CNTN5: variants seen among roughly 807,000 people sequenced by gnomAD.
CNTN5 encodes contactin-5.
A neutral mutation model predicts 129.1 loss-of-function variants in CNTN5; 77 were observed. The ratio of observed to expected loss-of-function variants is 0.60; its 90% CI spans 0.50 to 0.72. CNTN5 has a LOEUF of 0.72. Among genes scored for constraint, CNTN5 ranks in the 30% least tolerant of loss-of-function variants. The probability of loss-of-function intolerance (pLI) is 0.00; values close to 1 mark genes in which losing one functional copy is unlikely to be tolerated. For synonymous variants in CNTN5, 509 were observed against 465.6 expected (o/e 1.09, Z -1.20); for missense variants, 1,478 against 1,328.8 (o/e 1.11, Z -1.75).
intron 9 of CNTN5, among the ~76,000 whole-genome samples, chr11:100,011,201 T>C (rs934582893): frequency 2.0e-5 from 3 of 152,128 alleles, no homozygotes; most frequent in Non-Finnish European, 4.4e-5. Context: ...AGCTATAGTT[T>C]TCTGGCAAGT....
chr11:100,227,682 GA>G (rs1786543673), intron 16 of CNTN5, among the ~76,000 whole-genome samples: 1 of 152,114 alleles, frequency 6.6e-6, no homozygotes, highest in Admixed American at 6.5e-5. Context: ...GAATATGTTA[GA>G]AAAAATTATT....
In CNTN5 at chr11:99,325,485, GTA is replaced by G. The variant is rs1177056448; in HGVS notation, c.-71+3_-71+4del. ...TTTGGACCCTGTTTTCAGAAAGCAG[GTA>G]TGGTTCATCTTTATTAAACTGCCTA... On this transcript the variant is annotated splice_donor_variant and splice_donor_region_variant and intron_variant, in intron 2 of 24. Coordinates refer to ENST00000524871, the MANE Select transcript of CNTN5 (RefSeq NM_014361.4). LOFTEE classifies it low-confidence loss of function (5UTR_SPLICE). 1 of 151,948 alleles carries G rather than the reference GTA, an allele frequency of 6.6e-6. No individual in the cohort carries two copies. The allele number at this position is 151,948 out of a possible 1,614,324, so 9.4% of individuals were successfully genotyped here. A position where few individuals can be genotyped will look rare whatever the true frequency, so the allele number is the denominator to read the frequency against.
At chr11:99,565,858 G>A (rs961443149) in intron 3 of CNTN5, among the ~76,000 whole-genome samples, 6 of 152,160 alleles carry the variant, frequency 3.9e-5, no homozygotes, top group Admixed American at 2.0e-4. Flanking sequence ...GAGGGCAGAA[G>A]GGAAGTCTTC....
chr11:99,274,796 G>A (rs903456461), intron 1 of CNTN5, among the ~76,000 whole-genome samples: 1 of 151,360 alleles, frequency 6.6e-6, no homozygotes, highest in Non-Finnish European at 1.5e-5. Flanking sequence ...ATTAGTAAAT[G>A]GAGAAAATAC....
chr11:99,576,806 G>A (rs567270557), intron 3 of CNTN5, among the ~76,000 whole-genome samples: 9 of 152,232 alleles, frequency 5.9e-5, no homozygotes, highest in South Asian at 4.1e-4. Context: ...GCTCTCTGGG[G>A]CCTCTTTTAT....
At chr11:99,886,902 A>T (rs545775632) in intron 6 of CNTN5, among the ~76,000 whole-genome samples, 17 of 152,136 alleles carry the variant, frequency 1.1e-4, no homozygotes, top group African/African-American at 3.6e-4. Context: ...TCTTTTTTTT[A>T]AAAAAGGATC....
Position 100,159,371 on chromosome 11 carries a change from C to CTTAT in CNTN5, c.1581-31752_1581-31749dup, listed in dbSNP as rs1947363584. On this transcript the variant is annotated intron_variant, in intron 13 of 24. Coordinates refer to ENST00000524871, the MANE Select transcript of CNTN5 (RefSeq NM_014361.4). ...TCTTGGATATAATGTTAAATTTGTA[C>CTTAT]TTATTTTTAAAATATCTACCATACA... 2.0e-5 allele frequency among the ~76,000 whole-genome samples: 3 copies of CTTAT among 151,862 alleles called. No homozygotes were observed. In the South Asian group the frequency reaches 6.2e-4, roughly 31 times the overall value.
chr11:99,421,657 T>C (rs1942893943), intron 2 of CNTN5, among the ~76,000 whole-genome samples: 1 of 152,202 alleles, frequency 6.6e-6, no homozygotes, highest in Admixed American at 6.5e-5. Flanking sequence ...CCGCATTGCA[T>C]GTTTCAAAAT....
At chr11:100,273,752 C>T (rs1332850125) in intron 18 of CNTN5, among the ~76,000 whole-genome samples, 1 of 152,174 alleles carries the variant, frequency 6.6e-6, no homozygotes, top group African/African-American at 2.4e-5. Context: ...AACCCGCTAG[C>T]ACTCAAAAAT....
chr11:100,028,644 C>A (rs1019938834), intron 9 of CNTN5, among the ~76,000 whole-genome samples: 1 of 152,250 alleles, frequency 6.6e-6, no homozygotes, highest in East Asian at 1.9e-4. Context: ...ATTCTATAAA[C>A]CTCTCTCTGC....
intron 3 of CNTN5, among the ~76,000 whole-genome samples, chr11:99,737,862 G>A (rs58863667): frequency 0.029 from 4,449 of 151,958 alleles, 232 homozygotes; most frequent in African/African-American, 0.1. Flanking sequence ...ACTTTTTAAC[G>A]TCACTAAAAT....
chr11:99,559,626 T>C (rs575097227), intron 3 of CNTN5, among the ~76,000 whole-genome samples: 1 of 152,326 alleles, frequency 6.6e-6, no homozygotes, highest in South Asian at 2.1e-4. Flanking sequence ...GGTATAGCCA[T>C]TTTGGAAGGC....
chr11:99,318,264 G>T (rs1227373308), intron 1 of CNTN5, among the ~76,000 whole-genome samples: 1 of 152,052 alleles, frequency 6.6e-6, no homozygotes, highest in Non-Finnish European at 1.5e-5. Context: ...TAATTCTGTT[G>T]TTTTCATGTA....
intron 3 of CNTN5, among the ~76,000 whole-genome samples, chr11:99,652,506 T>C (rs1952196018): frequency 6.6e-6 from 1 of 152,040 alleles, no homozygotes; most frequent in Admixed American, 6.6e-5. Flanking sequence ...AAAGCGGTAT[T>C]ACGAAGTACA....
chr11:100,257,147 T>C (rs1449062262), intron 17 of CNTN5, among the ~76,000 whole-genome samples: 1 of 152,012 alleles, frequency 6.6e-6, no homozygotes, highest in Non-Finnish European at 1.5e-5. Context: ...GGTTTACCCT[T>C]ATAGTGTAAA....
intron 1 of CNTN5, among the ~76,000 whole-genome samples, chr11:99,094,758 C>T (rs1866399437): frequency 6.6e-6 from 1 of 151,864 alleles, no homozygotes; most frequent in East Asian, 1.9e-4. Flanking sequence ...TTTTTACCAA[C>T]CCCGTCTCCT....
At chr11:99,426,520 T>A (rs1031840661) in intron 2 of CNTN5, among the ~76,000 whole-genome samples, 3 of 152,204 alleles carry the variant, frequency 2.0e-5, no homozygotes, top group Admixed American at 2.0e-4. Context: ...TCGTAAGCCT[T>A]TTTATAATCT....
At chr11:99,203,358 A>G (rs192746036) in intron 1 of CNTN5, among the ~76,000 whole-genome samples, 1 of 152,304 alleles carries the variant, frequency 6.6e-6, no homozygotes, top group Non-Finnish European at 1.5e-5. Flanking sequence ...TCAAATAACT[A>G]GTTTCACTTT....
At chr11:99,921,484 C>A (rs919891752) in intron 7 of CNTN5, among the ~76,000 whole-genome samples, 3 of 152,190 alleles carry the variant, frequency 2.0e-5, no homozygotes, top group Admixed American at 6.5e-5. Flanking sequence ...CTTTTACAAT[C>A]TTCCTCTTTT....
Sources: gnomAD v4.1 joint callset for allele counts (sites outside exome capture counted in the v4.1 genomes callset) on GRCh38, gnomAD v4.1.1 for gene constraint, MANE v1.5 for transcripts, NCBI Gene and HGNC (gene_info 2026-07-23, HGNC 2026-07-21) for gene names.